Variants in A1BG observed in about 807,000 individuals in gnomAD.
A1BG encodes alpha-1B-glycoprotein.
In A1BG, 44 loss-of-function variants were observed where a neutral mutation model predicts 46.0. The ratio of observed to expected loss-of-function variants is 0.96; its 90% confidence interval spans 0.75 to 1.23. The LOEUF (loss-of-function observed/expected upper bound fraction) is 1.23, where lower values mean the gene tolerates loss of function less well. A1BG is among the 50% of genes most tolerant of loss of function. The pLI is 0.00. For missense variants in A1BG, 707 were observed against 688.8 expected (o/e 1.03, Z -0.30); for synonymous variants, 316 against 314.7 (o/e 1.00, Z -0.04).
rs1016684942 is a variant in A1BG at position 58,346,565 on chromosome 19, T to C, written c.*457A>G. On this transcript the variant is annotated 3_prime_UTR_variant, in exon 8 of 8. Transcript: ENST00000263100. ...ACAGTGAGACCCTGTCTACAAAAAATAATAATTAGCCAGACGTGGCGATGC... is the reference window on the plus strand; with the variant it reads ...ACAGTGAGACCCTGTCTACAAAAAACAATAATTAGCCAGACGTGGCGATGC... The C allele has an allele frequency of 2.4e-5, 6 of 246,252 alleles. No individual in the cohort carries two copies. Among genetic ancestry groups the C allele is most frequent in the African/African-American group, 9.4e-5 (4 of 42,496 alleles). The allele number at this position is 246,252 out of a possible 1,614,324, so 15.3% of individuals were successfully genotyped here. A position where few individuals can be genotyped will look rare whatever the true frequency, so the allele number is the denominator to read the frequency against.
chr19:58,347,710 A>C, intron 6 of A1BG, 70 bp from the exon 7 acceptor site: 1 of 886,144 alleles, frequency 1.1e-6, no homozygotes, highest in Non-Finnish European at 1.5e-6. Context: ...ACCCCAGGCC[A>C]CACCCCAGGC....
In A1BG at chr19:58,353,110, A is replaced by G. The variant is rs145851378; in HGVS notation, c.158T>C (p.Leu53Pro). 412 of 1,614,144 alleles carry G rather than the reference A, an allele frequency of 2.6e-4. 1 individual carries two copies. In the Middle Eastern group the frequency reaches 6.9e-3, roughly 27 times the overall value. The change falls in exon 3 of 8, where the codon CTG becomes CCG. Residue 53 changes from leucine (L) to proline (P), a missense_variant. Coordinates refer to ENST00000263100, the MANE Select transcript of A1BG (RefSeq NM_130786.4). ...ANVTLTCQAH[L>P]ETPDFQLFKN... ...GAACAGCTGGAAGTCTGGAGTCTCC[A>G]GGTGGGCCTGGCACGTCAGCGTCAC...
chr19:58,350,878 G>A (rs913494899), intron 5 of A1BG: 2 of 456,986 alleles, frequency 4.4e-6, no homozygotes. Context: ...TACAGACACA[G>A]ACGGGAAGCG....
Position 58,353,320 on chromosome 19 carries a change from G to A in A1BG, c.42C>T (p.Thr14=), listed in dbSNP as rs2051983958. The change falls in exon 2 of 8, where the codon ACC becomes ACT. Residue 14 remains threonine (T), a synonymous_variant. Transcript: ENST00000263100. ...LVVFLLLWGV[T]WGPVTEAAIF... ...TGGCTGCTTCTGTCACTGGGCCCCA[G>A]GTGACACCTGCGGAGACAGCCCCCG... is the stretch of plus-strand genomic sequence containing the variant. The A allele has an allele frequency of 3.1e-6, 5 of 1,612,328 alleles. No homozygotes were observed. The African/African-American group carries it at 5.3e-5, about 17-fold the overall frequency.
At position 58,352,075 on chromosome 19, in the gene A1BG, T is replaced by C. The variant is rs10164334; in HGVS notation, c.613+208A>G. 7,881 of 1,432,700 alleles carry C rather than the reference T, an allele frequency of 5.5e-3. 347 individuals are homozygous for C. The African/African-American group carries it at 0.098, about 18-fold the overall frequency. 88.7% of individuals were successfully genotyped at this position (1,432,700 alleles called of 1,614,324 possible). Reference sequence around the variant, plus strand: ...TCCCAAAGTGCTGGGATTATAGGCGTGAGCCACCGCACCCGGCCTCACCCT... The same window carrying C: ...TCCCAAAGTGCTGGGATTATAGGCGCGAGCCACCGCACCCGGCCTCACCCT... On this transcript the variant is annotated intron_variant, in intron 4 of 7. Coordinates refer to ENST00000263100, the MANE Select transcript of A1BG (RefSeq NM_130786.4).
chr19:58,348,534 GAA>G (rs1185781061), intron 6 of A1BG: 2 of 152,250 alleles, frequency 1.3e-5, no homozygotes, highest in Non-Finnish European at 2.9e-5. Flanking sequence ...CAGCCTAGCA[GAA>G]AAGTGCAATA....
At chr19:58,351,261 G>A in intron 5 of A1BG, 130 bp downstream of exon 5, 3 of 1,133,626 alleles carry the variant, frequency 2.6e-6, no homozygotes, top group Middle Eastern at 6.0e-4. Flanking sequence ...CCCTGAATCG[G>A]CGGGTGGGCG....
intron 3 of A1BG, 47 bp downstream of exon 3, chr19:58,352,881 A>C: frequency 6.4e-7 from 1 of 1,570,794 alleles, no homozygotes; most frequent in Non-Finnish European, 8.6e-7. Context: ...CCCCCAGTCA[A>C]CAACCTACCC....
At position 58,347,612 on chromosome 19, in the gene A1BG, C is replaced by A; in HGVS notation, c.1221G>T (p.Ala407=). Residue 407 remains alanine (A), a synonymous_variant, in exon 7 of 8, where the codon GCG becomes GCT. Coordinates refer to ENST00000263100, the MANE Select transcript of A1BG (RefSeq NM_130786.4). ...DGPPPRPQLR[A]TWSGAVLAGR... ...CCGCCAGGACCGCCCCACTCCACGT[C>A]GCCCGGAGCTGAGGCCTGGGAGGGG... is the stretch of plus-strand genomic sequence containing the variant. The A allele has an allele frequency of 2.0e-6, 3 of 1,479,304 alleles. No individual in the cohort carries two copies. The highest frequency in any genetic ancestry group is 2.7e-6 in the Non-Finnish European group (3 of 1,120,006). The allele number at this position is 1,479,304 out of a possible 1,614,324, so 91.6% of individuals were successfully genotyped here. A position where few individuals can be genotyped will look rare whatever the true frequency, so the allele number is the denominator to read the frequency against.
intron 5 of A1BG, 161 bp from the exon 6 acceptor site, chr19:58,350,812 C>A: frequency 4.7e-6 from 3 of 643,766 alleles, no homozygotes; most frequent in Non-Finnish European, 7.0e-6. Flanking sequence ...CTTTGCATCC[C>A]AGTCCTTGGA....
chr19:58,347,682 G>T (rs1413662342), intron 6 of A1BG, 42 bp from the exon 7 acceptor site: 383 of 1,273,470 alleles, frequency 3.0e-4, no homozygotes, highest in Non-Finnish European at 3.5e-4. Flanking sequence ...CCACGCCCCA[G>T]GCCACGCCCC....
In A1BG at chr19:58,350,491, C is replaced by T. The variant is rs1372726419; in HGVS notation, c.1071G>A (p.Ala357=). ...HRFQSPAGTE[A]LFELHNISVA... ...CGGAAATGTTGTGCAGCTCGAAGAG[C>T]GCCTCGGTCCCAGCGGGGCTCTGGA... The change falls in exon 6 of 8, where the codon GCG becomes GCA. Residue 357 remains alanine, a synonymous_variant. Coordinates refer to ENST00000263100, the MANE Select transcript of A1BG (RefSeq NM_130786.4). 13 of 1,555,944 alleles carry T rather than the reference C, an allele frequency of 8.4e-6. No homozygotes were observed. Among genetic ancestry groups the T allele is most frequent in the Non-Finnish European group, 1.0e-5 (12 of 1,150,446 alleles).
At chr19:58,347,689 C>CCCCGTGCCGCG (rs1555779295) in intron 6 of A1BG, 49 bp from the exon 7 acceptor site, 1 of 425,332 alleles carries the variant, frequency 2.4e-6, no homozygotes. Flanking sequence ...CCAGGCCACG[C>CCCCGTGCCGCG]CCCAGGCCAC....
At chr19:58,352,738 G>C (rs1263179832) in intron 3 of A1BG, 183 bp from the exon 4 acceptor site, 1 of 1,142,876 alleles carries the variant, frequency 8.7e-7, no homozygotes, top group Non-Finnish European at 1.2e-6. Context: ...GTGTGTGGGA[G>C]CTGTACGGCA....
rs1225421681 is a variant in A1BG, at chr19:58,347,646, C to A, written c.1193-6G>T. The A allele has an allele frequency of 7.2e-6, 10 of 1,391,602 alleles. No homozygotes were observed. In the Admixed American group the frequency reaches 9.9e-5, roughly 14 times the overall value. 86.2% of individuals were successfully genotyped at this position (1,391,602 alleles called of 1,614,324 possible). ...CTGAGGCCTGGGAGGGGGTCCTGGGCGGAGCGGGCGGGTGGTCGGGCCAGG... is the reference window on the plus strand; with the variant it reads ...CTGAGGCCTGGGAGGGGGTCCTGGGAGGAGCGGGCGGGTGGTCGGGCCAGG... On this transcript the variant is annotated splice_polypyrimidine_tract_variant and splice_region_variant and intron_variant, in intron 6 of 7. Transcript: ENST00000263100.
chr19:58,347,639 TC>T lies in A1BG; in HGVS notation c.1193del (p.Gly398AspfsTer46). 1.4e-6 allele frequency: 2 copies of T among 1,409,350 alleles called. No homozygotes were observed. The allele number at this position is 1,409,350 out of a possible 1,614,324, so 87.3% of individuals were successfully genotyped here. A position where few individuals can be genotyped will look rare whatever the true frequency, so the allele number is the denominator to read the frequency against. ...PSERLELHVD[G>X]PPPRPQLRAT... Reference sequence around the variant, plus strand: ...CCCGGAGCTGAGGCCTGGGAGGGGGTCCTGGGCGGAGCGGGCGGGTGGTCGG... The same window carrying T: ...CCCGGAGCTGAGGCCTGGGAGGGGGTCTGGGCGGAGCGGGCGGGTGGTCGG... On this transcript the variant is annotated frameshift_variant and splice_region_variant, in exon 7 of 8. Transcript: ENST00000263100. LOFTEE classifies it high-confidence loss of function.
Position 58,353,462 on chromosome 19 carries a change from G to T in A1BG, c.-25C>A. ...TGATGGTCGCGCTCACTCCGGTGCAGTGAGTGTCTGGGGTGAGCGTCTGCA... is the reference window on the plus strand; with the variant it reads ...TGATGGTCGCGCTCACTCCGGTGCATTGAGTGTCTGGGGTGAGCGTCTGCA... On this transcript the variant is annotated 5_prime_UTR_variant, in exon 1 of 8. The change creates a new upstream start codon in the 5' untranslated region. Transcript: ENST00000263100. 1 of 1,599,534 alleles carries T rather than the reference G, an allele frequency of 6.3e-7. No homozygotes were observed. Among genetic ancestry groups the T allele is most frequent in the South Asian group, 1.1e-5 (1 of 88,690 alleles).
intron 5 of A1BG, 55 bp from the exon 6 acceptor site, chr19:58,350,706 C>A (rs960051490): frequency 3.0e-6 from 4 of 1,329,368 alleles, no homozygotes; most frequent in Admixed American, 3.9e-5. Flanking sequence ...TCGGCCCTAA[C>A]GCGTGGTCTG....
At position 58,351,699 on chromosome 19, in the gene A1BG, G is replaced by A. The variant is rs1292375271; in HGVS notation, c.614-12C>T. The A allele has an allele frequency of 1.2e-5, 18 of 1,564,830 alleles. No homozygotes were observed. Among genetic ancestry groups the A allele is most frequent in the Non-Finnish European group, 1.6e-5 (18 of 1,154,898 alleles). ...CGGTGGTGGTGCAGCTGCAATGCAGGCAGCATTACTAGGCTGCCCCATCCC... is the reference window on the plus strand; with the variant it reads ...CGGTGGTGGTGCAGCTGCAATGCAGACAGCATTACTAGGCTGCCCCATCCC... On this transcript the variant is annotated splice_polypyrimidine_tract_variant and intron_variant, in intron 4 of 7. Transcript: ENST00000263100.
Sources: allele counts gnomAD v4.1 joint callset, GRCh38; gene constraint gnomAD v4.1.1; transcripts MANE v1.5; gene names NCBI Gene and HGNC (gene_info 2026-07-23, HGNC 2026-07-21).